OPHN1: variants seen among roughly 807,000 people sequenced by gnomAD.
The protein encoded by OPHN1 is oligophrenin-1.
A neutral mutation model predicts 60.7 loss-of-function variants in OPHN1; 11 were observed. The ratio of observed to expected loss-of-function variants is 0.18; its 90% CI spans 0.11 to 0.30. OPHN1 has a LOEUF of 0.30. Among genes scored for constraint, OPHN1 ranks in the 10% least tolerant of loss-of-function variants. The pLI is 1.00. For synonymous variants in OPHN1, 226 were observed against 222.6 expected, an observed-to-expected ratio of 1.02 and a Z score of -0.14; for missense variants, 449 against 611.0, an observed-to-expected ratio of 0.73 and a Z score of 2.80.
intron 15 of OPHN1, among the ~76,000 whole-genome samples, chrX:68,174,557 G>A (rs1325413534): frequency 1.0e-5 from 1 of 96,339 alleles, no homozygotes; most frequent in Non-Finnish European, 2.0e-5. Context: ...CTGCAGCCTC[G>A]ACCTCCCGTG....
chrX:68,333,813 AC>A (rs1418928919), intron 2 of OPHN1, among the ~76,000 whole-genome samples: 2 of 109,550 alleles, frequency 1.8e-5, no homozygotes, highest in African/African-American at 6.6e-5. Flanking sequence ...TCAGAATAAA[AC>A]CCGTGACTTC....
chrX:68,304,082 T>C (rs1342211285), intron 2 of OPHN1, among the ~76,000 whole-genome samples: 2 of 112,012 alleles, frequency 1.8e-5, no homozygotes, highest in East Asian at 2.8e-4. Context: ...GGATTTTGAA[T>C]GTTGCCCAGA....
intron 5 of OPHN1, among the ~76,000 whole-genome samples, chrX:68,262,718 C>A (rs181484474): frequency 1.8e-5 from 2 of 111,761 alleles, no homozygotes; most frequent in Non-Finnish European, 3.8e-5. Flanking sequence ...ACCCGGGAGG[C>A]GGAGGTTGCG....
At chrX:68,375,775 C>T (rs1182360662) in intron 2 of OPHN1, among the ~76,000 whole-genome samples, 1 of 109,789 alleles carries the variant, frequency 9.1e-6, no homozygotes, top group Admixed American at 9.9e-5. Context: ...GGTGGTTAAG[C>T]ATTTTATGTA....
At position 68,266,328 on chromosome X, in the gene OPHN1, G is replaced by A. The variant is rs756242189; in HGVS notation, c.384+8410C>T. Reference sequence around the variant, plus strand: ...AAGTCCCTCAGACTAACAGCTGATCGCTCGGCAGAAACTCTAGAAGCCAAA... The same window carrying A: ...AAGTCCCTCAGACTAACAGCTGATCACTCGGCAGAAACTCTAGAAGCCAAA... On this transcript the variant is annotated intron_variant, in intron 5 of 24. Coordinates refer to ENST00000355520, the MANE Select transcript of OPHN1 (RefSeq NM_002547.3). Among the ~76,000 whole-genome samples, 16 of 111,846 alleles carry A rather than the reference G, an allele frequency of 1.4e-4. No homozygotes were observed. In the East Asian group the frequency reaches 1.7e-3, roughly 12 times the overall value.
chrX:68,359,023 C>T lies in OPHN1; in HGVS notation c.155-59927G>A, dbSNP rs773216040. ...GTCTACAGTTTGGAAAAAGTTTTCT[C>T]ATCTGGAAGAGCCAGTGTGGCTAGG... On this transcript the variant is annotated intron_variant, in intron 2 of 24. Transcript: ENST00000355520. Among the ~76,000 whole-genome samples, 6 of 112,006 alleles carry T rather than the reference C, an allele frequency of 5.4e-5. No homozygotes were observed. In the East Asian group the frequency reaches 1.7e-3, roughly 32 times the overall value.
intron 15 of OPHN1, among the ~76,000 whole-genome samples, chrX:68,190,837 C>G (rs1453969042): frequency 1.8e-5 from 2 of 112,069 alleles, no homozygotes; most frequent in African/African-American, 6.5e-5. Flanking sequence ...AAAAAGTGTC[C>G]TTAGCTAATG....
rs910640893 is a variant in OPHN1, at chrX:68,282,540, A to G, written c.312+516T>C. Among the ~76,000 whole-genome samples the G allele has an allele frequency of 4.5e-5, 5 of 112,163 alleles. No individual in the cohort carries two copies. In the South Asian group the frequency reaches 1.9e-3, roughly 42 times the overall value. ...TAATACCAAGAGTAAATTCTAATGT[A>G]AACTATGAACTTTAGTTAATAATAT... On this transcript the variant is annotated intron_variant, in intron 4 of 24. Coordinates refer to ENST00000355520, the MANE Select transcript of OPHN1 (RefSeq NM_002547.3).
At chrX:68,318,654 A>C (rs189803778) in intron 2 of OPHN1, among the ~76,000 whole-genome samples, 1 of 112,042 alleles carries the variant, frequency 8.9e-6, no homozygotes, top group East Asian at 2.8e-4. Context: ...ACAACTAGTG[A>C]ATATTGATAC....
intron 15 of OPHN1, among the ~76,000 whole-genome samples, chrX:68,139,086 C>T (rs1187973811): frequency 6.3e-5 from 7 of 110,547 alleles, no homozygotes; most frequent in Admixed American, 9.7e-5. Flanking sequence ...ATCAGAAGAA[C>T]GCGGAATAAT....
intron 5 of OPHN1, among the ~76,000 whole-genome samples, chrX:68,273,749 CTT>C (rs2077980250): frequency 8.9e-6 from 1 of 111,864 alleles, no homozygotes; most frequent in Non-Finnish European, 1.9e-5. Context: ...CTAAAAAGAC[CTT>C]TAGGTCTAAA....
At chrX:68,067,771 A>G (rs541068244) in intron 20 of OPHN1, among the ~76,000 whole-genome samples, 1 of 111,418 alleles carries the variant, frequency 9.0e-6, no homozygotes, top group South Asian at 3.9e-4. Flanking sequence ...GAAAGGAGTC[A>G]CTGACATACT....
rs773839143 is a variant in OPHN1, at chrX:68,378,571, A to T, written c.154+54296T>A. Among the ~76,000 whole-genome samples, 522 of 111,939 alleles carry T rather than the reference A, an allele frequency of 4.7e-3. 1 individual carries two copies. Among genetic ancestry groups the T allele is most frequent in the Non-Finnish European group, 8.1e-3 (431 of 53,228 alleles). Reference sequence around the variant, plus strand: ...TAGGGTTTTTACGGTTTTAGGTCTAATGTTTAAGTCTTTAATCCATCTTGA... The same window carrying T: ...TAGGGTTTTTACGGTTTTAGGTCTATTGTTTAAGTCTTTAATCCATCTTGA... On this transcript the variant is annotated intron_variant, in intron 2 of 24. Coordinates refer to ENST00000355520, the MANE Select transcript of OPHN1 (RefSeq NM_002547.3).
At chrX:68,314,475 C>T (rs1331225009) in intron 2 of OPHN1, among the ~76,000 whole-genome samples, 3 of 109,548 alleles carry the variant, frequency 2.7e-5, no homozygotes, top group African/African-American at 6.7e-5. Flanking sequence ...GAGCCGAGAT[C>T]GTGCTATTGC....
chrX:68,334,978 TTAA>T (rs1389211949), intron 2 of OPHN1, among the ~76,000 whole-genome samples: 2 of 101,776 alleles, frequency 2.0e-5, no homozygotes, highest in Non-Finnish European at 4.2e-5. Flanking sequence ...CCTGTCTCAA[TTAA>T]TTAATTAATT....
chrX:68,432,821 A>T, intron 2 of OPHN1, 46 bp downstream of exon 2: 1 of 1,195,536 alleles, frequency 8.4e-7, no homozygotes. Flanking sequence ...CTTAAAGGCC[A>T]GACACACCAG....
intron 6 of OPHN1, among the ~76,000 whole-genome samples, chrX:68,217,668 T>C (rs1348512112): frequency 1.8e-5 from 2 of 110,227 alleles, no homozygotes; most frequent in African/African-American, 6.6e-5. Context: ...AGCAGGGACA[T>C]ACTGACACCT....
At chrX:68,180,658 C>T (rs2077432468) in intron 15 of OPHN1, among the ~76,000 whole-genome samples, 1 of 111,709 alleles carries the variant, frequency 9.0e-6, no homozygotes, top group Admixed American at 9.6e-5. Context: ...TGAAGAATAA[C>T]CAGCAGAGGC....
intron 16 of OPHN1, among the ~76,000 whole-genome samples, chrX:68,116,906 C>T (rs190648166): frequency 9.0e-6 from 1 of 111,372 alleles, no homozygotes. Context: ...CTGCTACTCC[C>T]TAGTCCAAGC....
Sources: gnomAD v4.1 joint callset for allele counts (sites outside exome capture counted in the v4.1 genomes callset) on GRCh38, gnomAD v4.1.1 for gene constraint, MANE v1.5 for transcripts, NCBI Gene and HGNC (gene_info 2026-07-23, HGNC 2026-07-21) for gene names.